The following ZNF808 variants were observed in gnomAD, a reference collection of about 807,000 sequenced individuals.
ZNF808 encodes the protein zinc finger protein 808.
Under a neutral mutation model 8.7 loss-of-function variants are expected in ZNF808, and 5 were observed. The observed-to-expected ratio is 0.58, with a 90% CI of 0.30 to 1.21. The LOEUF (loss-of-function observed/expected upper bound fraction) is 1.21, where lower values mean the gene tolerates loss of function less well. Ranked by LOEUF, ZNF808 falls within the 50% of genes most tolerant of loss-of-function variation. ZNF808 has a pLI of 0.07. For synonymous variants in ZNF808, 380 were observed against 366.0 expected, an observed-to-expected ratio of 1.04 and a Z score of -0.44; for missense variants, 1,103 against 1,098.4, an observed-to-expected ratio of 1.00 and a Z score of -0.06.
At chr19:52,542,761 G>A (rs118037211) in intron 2 of ZNF808, among the ~76,000 whole-genome samples, 7,785 of 152,084 alleles carry the variant, frequency 0.051, 216 homozygotes, top group Middle Eastern at 0.079. Context: ...GCAGGGAGGC[G>A]GCTTTTAGGT....
intron 2 of ZNF808, among the ~76,000 whole-genome samples, chr19:52,533,843 CAAAA>C (rs919374020): frequency 6.5e-5 from 2 of 30,760 alleles, no homozygotes; most frequent in African/African-American, 3.1e-4. Flanking sequence ...ACTCCGTCTC[CAAAA>C]AAAAAAAAAA....
In ZNF808 at chr19:52,553,895, A is replaced by G; in HGVS notation, c.979A>G (p.Asn327Asp). The G allele has an allele frequency of 6.2e-7, 1 of 1,614,052 alleles. No homozygotes were observed. The highest frequency in any genetic ancestry group is 8.5e-7 in the Non-Finnish European group (1 of 1,180,016). Residue 327 changes from asparagine to aspartate, a missense_variant, in exon 5 of 5, where the codon AAT (asparagine) becomes GAT (aspartate). Asn to Asp is a conservative substitution (Grantham distance 23). Coordinates refer to ENST00000359798, the MANE Select transcript of ZNF808 (RefSeq NM_001039886.4). ...TGAGTGTGGCAAGGTCTTTCGTCAA[A>G]ATTCAGCCCTTGTAATTCATAAGGC... ...CNECGKVFRQ[N>D]SALVIHKAIH...
intron 1 of ZNF808, among the ~76,000 whole-genome samples, chr19:52,528,446 T>G (rs2123047570): frequency 6.6e-6 from 1 of 152,278 alleles, no homozygotes; most frequent in East Asian, 1.9e-4. Context: ...CCATAACAGA[T>G]GGCAAAATAG....
At chr19:52,552,898 T>C (rs1363990228) in intron 4 of ZNF808, among the ~76,000 whole-genome samples, 1 of 152,220 alleles carries the variant, frequency 6.6e-6, no homozygotes, top group Admixed American at 6.5e-5. Flanking sequence ...TGTCATGATA[T>C]AGGAAATAGA....
chr19:52,553,816 A>G lies in ZNF808; in HGVS notation c.900A>G (p.Ser300=), dbSNP rs2059803142. Residue 300 remains serine, a synonymous_variant, in exon 5 of 5, where the codon TCA becomes TCG. Transcript: ENST00000359798. Reference sequence around the variant, plus strand: ...GTGGAAAGTCCTTCAGTTACAAGTCATCCCTTACATGCCATCATAGACTTC... The same window carrying G: ...GTGGAAAGTCCTTCAGTTACAAGTCGTCCCTTACATGCCATCATAGACTTC... ...KECGKSFSYK[S]SLTCHHRLHT... 3 of 1,614,168 alleles carry G rather than the reference A, an allele frequency of 1.9e-6. No homozygotes were observed. The highest frequency in any genetic ancestry group is 2.5e-6 in the Non-Finnish European group (3 of 1,180,022).
intron 4 of ZNF808, among the ~76,000 whole-genome samples, chr19:52,552,419 T>G (rs566899903): frequency 2.3e-4 from 35 of 149,622 alleles, no homozygotes; most frequent in African/African-American, 8.6e-4. Flanking sequence ...TTCTTTTTTT[T>G]TTTTTTCTGT....
At chr19:52,560,633 A>C (rs969944809), downstream of ZNF808, among the ~76,000 whole-genome samples, 4 of 152,270 alleles carry the variant, frequency 2.6e-5, no homozygotes, top group East Asian at 3.9e-4. Flanking sequence ...CATACTGCTG[A>C]TTTTTTGGAT....
In ZNF808 at chr19:52,528,321, C is replaced by T. The variant is rs570976484; in HGVS notation, c.-122+610C>T. On this transcript the variant is annotated intron_variant, in intron 1 of 4. Coordinates refer to ENST00000359798, the MANE Select transcript of ZNF808 (RefSeq NM_001039886.4). Reference sequence around the variant, plus strand: ...GCCGAGCTCCAGCCCTTGGAAAACGCGCTCCTCCGGGATGCAGGCGTCTTA... The same window carrying T: ...GCCGAGCTCCAGCCCTTGGAAAACGTGCTCCTCCGGGATGCAGGCGTCTTA... Among the ~76,000 whole-genome samples, 3 of 152,294 alleles carry T rather than the reference C, an allele frequency of 2.0e-5. No individual in the cohort carries two copies. In the South Asian group the frequency reaches 6.2e-4, roughly 32 times the overall value.
At chr19:52,541,108 C>T (rs1263653581) in intron 2 of ZNF808, among the ~76,000 whole-genome samples, 15 of 152,124 alleles carry the variant, frequency 9.9e-5, no homozygotes, top group African/African-American at 2.9e-4. Context: ...CCCGCCACCA[C>T]GCCTGGCTAA....
At chr19:52,559,454 C>T (rs1431891329), downstream of ZNF808, among the ~76,000 whole-genome samples, 1 of 152,144 alleles carries the variant, frequency 6.6e-6, no homozygotes, top group Non-Finnish European at 1.5e-5. Context: ...ACATCCCCCT[C>T]TCCGAGATGG....
At chr19:52,568,532 C>G (rs2059878709), downstream of ZNF808, among the ~76,000 whole-genome samples, 1 of 152,156 alleles carries the variant, frequency 6.6e-6, no homozygotes, top group South Asian at 2.1e-4. Flanking sequence ...TGTAACCTTC[C>G]TTGAAGTGTA....
At chr19:52,529,722 ATTAAT>A (rs1161219340) in intron 1 of ZNF808, among the ~76,000 whole-genome samples, 1 of 151,894 alleles carries the variant, frequency 6.6e-6, no homozygotes, top group Non-Finnish European at 1.5e-5. Flanking sequence ...TTTTAATTTA[ATTAAT>A]TAAATGATAT....
chr19:52,539,184 ATTTTTT>A (rs3049209), intron 2 of ZNF808, among the ~76,000 whole-genome samples: 2 of 117,754 alleles, frequency 1.7e-5, no homozygotes, highest in African/African-American at 6.2e-5. Context: ...TCTTCATTTC[ATTTTTT>A]TTTTTTTTTT....
downstream of ZNF808, among the ~76,000 whole-genome samples, chr19:52,566,798 T>G (rs183775076): frequency 6.6e-6 from 1 of 152,312 alleles, no homozygotes; most frequent in Admixed American, 6.5e-5. Context: ...GGTCTTAAGA[T>G]GTTTACAGTT....
intron 1 of ZNF808, among the ~76,000 whole-genome samples, chr19:52,531,937 CAT>C (rs2059565470): frequency 6.6e-6 from 1 of 152,140 alleles, no homozygotes; most frequent in Middle Eastern, 3.2e-3. Context: ...GTGATCTTAA[CAT>C]GTATTTCAGT....
chr19:52,560,347 C>T (rs551465832), downstream of ZNF808, among the ~76,000 whole-genome samples: 13 of 151,896 alleles, frequency 8.6e-5, no homozygotes, highest in South Asian at 4.1e-4. Flanking sequence ...AATTAAAAAA[C>T]GTCATAATTA....
At chr19:52,539,462 T>C (rs434788) in intron 2 of ZNF808, among the ~76,000 whole-genome samples, 48,919 of 150,668 alleles carry the variant, frequency 0.32, 8,628 homozygotes, top group East Asian at 0.51. Flanking sequence ...GTGCTATGAT[T>C]ACAGGCGTGA....
intron 1 of ZNF808, among the ~76,000 whole-genome samples, chr19:52,532,295 G>C (rs2059568082): frequency 6.6e-6 from 1 of 151,236 alleles, no homozygotes; most frequent in African/African-American, 2.4e-5. Flanking sequence ...GCACAATCTT[G>C]GCTCATTGCA....
Position 52,537,618 on chromosome 19 carries a change from C to G in ZNF808, c.-20+4609C>G, listed in dbSNP as rs111373113. Among the ~76,000 whole-genome samples, 542 of 151,548 alleles carry G rather than the reference C, an allele frequency of 3.6e-3. 1 individual carries two copies. Among genetic ancestry groups the G allele is most frequent in the African/African-American group, 9.4e-3 (390 of 41,274 alleles). ...CTGGAGGATCACTTGAGCCCAGGAG[C>G]TCCAGGCTGCTGTGAGCAGAGATCA... On this transcript the variant is annotated intron_variant, in intron 2 of 4. Coordinates refer to ENST00000359798, the MANE Select transcript of ZNF808 (RefSeq NM_001039886.4).
Sources: gnomAD v4.1 joint callset for allele counts (sites outside exome capture counted in the v4.1 genomes callset) on GRCh38, gnomAD v4.1.1 for gene constraint, MANE v1.5 for transcripts, NCBI Gene and HGNC (gene_info 2026-07-23, HGNC 2026-07-21) for gene names.